TRIM41: variants seen among roughly 807,000 people sequenced by gnomAD.
TRIM41 encodes the protein tripartite motif containing 41.
Under a neutral mutation model 60.6 loss-of-function variants are expected in TRIM41, and 21 were observed. The observed-to-expected ratio is 0.35, with a 90% confidence interval of 0.25 to 0.50. The LOEUF (loss-of-function observed/expected upper bound fraction) is 0.50. Ranked by LOEUF, TRIM41 falls within the 20% of genes least tolerant of loss-of-function variation. The probability of loss-of-function intolerance (pLI) is 0.98; values close to 1 mark genes in which losing one functional copy is unlikely to be tolerated. For missense variants in TRIM41, 846 were observed against 868.3 expected (o/e 0.97, Z 0.32); for synonymous variants, 407 against 344.9 (o/e 1.18, Z -2.00).
chr5:181,229,910 G>A (rs887665702), intron 1 of TRIM41: 13 of 152,330 alleles, frequency 8.5e-5, no homozygotes, highest in African/African-American at 2.9e-4. Flanking sequence ...ATTTTATGTG[G>A]TCAAACGTGT....
chr5:181,232,922 TTC>T, intron 3 of TRIM41, 33 bp downstream of exon 3: 1 of 1,531,596 alleles, frequency 6.5e-7, no homozygotes, highest in Non-Finnish European at 8.8e-7. Context: ...TCCCCCAGCA[TTC>T]TGTGTTGGCT....
Position 181,235,378 on chromosome 5 carries a change from G to C in TRIM41, c.*603G>C, listed in dbSNP as rs150126743. ...GACCGGCCAGAATTTAGCTTCACTT[G>C]AGAGAGATCTGGAATGGTCGCCATG... On this transcript the variant is annotated 3_prime_UTR_variant, in exon 6 of 6. Transcript: ENST00000315073. 1 of 1,613,756 alleles carries C rather than the reference G, an allele frequency of 6.2e-7. No individual in the cohort carries two copies. Among genetic ancestry groups the C allele is most frequent in the Non-Finnish European group, 8.5e-7 (1 of 1,179,806 alleles).
rs752017053 is a variant in TRIM41 at position 181,234,198 on chromosome 5, C to T, written c.1316C>T (p.Thr439Met). Residue 439 changes from threonine (T) to methionine (M), a missense_variant, in exon 6 of 6, where the codon ACG (threonine) becomes ATG (methionine). Coordinates refer to ENST00000315073, the MANE Select transcript of TRIM41 (RefSeq NM_033549.5). This position sits in a 1 kb window ranked among gnomAD's most constrained non-coding sequence, Gnocchi z 5.6. ...GTGGACCTGACGCTGGACCCTGACA[C>T]GGCTCACCCGGCCCTGATGCTGTCC... ...ARVDLTLDPDTAHPALMLSPD... is the reference protein window; with the variant it reads ...ARVDLTLDPDMAHPALMLSPD... 27 of 1,612,350 alleles carry T rather than the reference C, an allele frequency of 1.7e-5. No homozygotes were observed. The highest frequency in any genetic ancestry group is 6.7e-5 in the East Asian group (3 of 44,886).
At position 181,232,804 on chromosome 5, in the gene TRIM41, G is replaced by A. The variant is rs575345542; in HGVS notation, c.1055G>A (p.Arg352His). ...GGGCGTGCGGGAGCCGCGGCTAGTC[G>A]CCTTGCAGAACAGGCCGCCCAGCTC... The part of the protein sequence containing the change: ...QLGRAGAAAS[R>H]LAEQAAQLSR... The change falls in exon 3 of 6, where the codon CGC becomes CAC. Residue 352 changes from arginine (R) to histidine (H), a missense_variant. Physicochemically the swap from Arg to His is conservative, Grantham distance 29. Transcript: ENST00000315073. The A allele has an allele frequency of 1.9e-5, 30 of 1,599,976 alleles. No homozygotes were observed. Among genetic ancestry groups the A allele is most frequent in the East Asian group, 1.8e-4 (8 of 44,338 alleles).
chr5:181,225,387 A>G (rs1412932082), intron 1 of TRIM41: 2 of 162,612 alleles, frequency 1.2e-5, no homozygotes, highest in African/African-American at 4.8e-5. Flanking sequence ...TGCAAGTTGC[A>G]TTGTCAAATC....
At position 181,224,533 on chromosome 5, in the gene TRIM41, G is replaced by T; in HGVS notation, c.534G>T (p.Arg178=). The T allele has an allele frequency of 1.9e-6, 3 of 1,612,740 alleles. No homozygotes were observed. Among genetic ancestry groups the T allele is most frequent in the Non-Finnish European group, 2.5e-6 (3 of 1,178,878 alleles). ...VTPLPPPPAP[R]RCFTCPQCRK... ...CACTGCCCCCGCCTCCAGCCCCTCGGAGGTGCTTCACATGCCCTCAGTGCC... is the reference window on the plus strand; with the variant it reads ...CACTGCCCCCGCCTCCAGCCCCTCGTAGGTGCTTCACATGCCCTCAGTGCC... Residue 178 remains arginine (R), a synonymous_variant, in exon 1 of 6, where the codon CGG becomes CGT. Transcript: ENST00000315073.
chr5:181,233,143 T>C lies in TRIM41; in HGVS notation c.1140+254T>C. 1 of 713,408 alleles carries C rather than the reference T, an allele frequency of 1.4e-6. No homozygotes were observed. Among genetic ancestry groups the C allele is most frequent in the Non-Finnish European group, 2.5e-6 (1 of 394,418 alleles). The allele number at this position is 713,408 out of a possible 1,614,324, so 44.2% of individuals were successfully genotyped here. ...TTAAATGACAGTTGAGGAAAGTCTTTTTGACAGTGACATCCTGAAAAAGGT... is the reference window on the plus strand; with the variant it reads ...TTAAATGACAGTTGAGGAAAGTCTTCTTGACAGTGACATCCTGAAAAAGGT... On this transcript the variant is annotated intron_variant, in intron 3 of 5. Transcript: ENST00000315073. The surrounding 1 kb of genome is among the most constrained non-coding windows in gnomAD (Gnocchi z 4.1).
In TRIM41 at chr5:181,234,813, T is replaced by TG. The variant is rs749803445; in HGVS notation, c.*44dup. On this transcript the variant is annotated 3_prime_UTR_variant, in exon 6 of 6. Coordinates refer to ENST00000315073, the MANE Select transcript of TRIM41 (RefSeq NM_033549.5). The surrounding 1 kb of genome is among the most constrained non-coding windows in gnomAD (Gnocchi z 5.6). The stretch of plus-strand genomic sequence containing the variant: ...CCGCAGGGGCCCCTCTGTCAGCACT[T>TG]GGGGGGTGGGTGGTGGAGGGTGGCC... 15 of 1,606,568 alleles carry TG rather than the reference T, an allele frequency of 9.3e-6. No individual in the cohort carries two copies. Among genetic ancestry groups the TG allele is most frequent in the South Asian group, 2.2e-5 (2 of 90,482 alleles).
chr5:181,234,546 A>G lies in TRIM41; in HGVS notation c.1664A>G (p.Asn555Ser). 6 of 1,614,170 alleles carry G rather than the reference A, an allele frequency of 3.7e-6. No individual in the cohort carries two copies. The South Asian group carries it at 5.5e-5, about 15-fold the overall frequency. The change falls in exon 6 of 6, where the codon AAC becomes AGC. Residue 555 changes from asparagine to serine, a missense_variant. By Grantham distance (46) the Asn-to-Ser change is conservative. Coordinates refer to ENST00000315073, the MANE Select transcript of TRIM41 (RefSeq NM_033549.5). This position sits in a 1 kb window ranked among gnomAD's most constrained non-coding sequence, Gnocchi z 5.6. ...CGGGAAGTGTGGTGCGTGGGCACCAACGGCAAACGCTATCAGGCCCAGAGC... is the reference window on the plus strand; with the variant it reads ...CGGGAAGTGTGGTGCGTGGGCACCAGCGGCAAACGCTATCAGGCCCAGAGC... Reference protein sequence around the residue: ...LQREVWCVGTNGKRYQAQSST... With the variant: ...LQREVWCVGTSGKRYQAQSST...
chr5:181,224,844 T>C, intron 1 of TRIM41, 32 bp downstream of exon 1: 2 of 1,613,438 alleles, frequency 1.2e-6, no homozygotes, highest in Non-Finnish European at 1.7e-6. Flanking sequence ...GATGGGAGTT[T>C]AGTGGGGGGA....
chr5:181,223,730 T>G lies in TRIM41; in HGVS notation c.-270T>G. ...GGTTTATGAGGAGTCCAAGGGAGCATTGGGGCAGACTTGTACTCAGAGCCA... is the reference window on the plus strand; with the variant it reads ...GGTTTATGAGGAGTCCAAGGGAGCAGTGGGGCAGACTTGTACTCAGAGCCA... On this transcript the variant is annotated 5_prime_UTR_variant, in exon 1 of 6. Transcript: ENST00000315073. The G allele has an allele frequency of 1.7e-6, 1 of 577,060 alleles. No individual in the cohort carries two copies. Among genetic ancestry groups the G allele is most frequent in the South Asian group, 2.2e-5 (1 of 45,770 alleles). 35.7% of individuals were successfully genotyped at this position (577,060 alleles called of 1,614,324 possible).
chr5:181,232,248 T>G, intron 2 of TRIM41: 1 of 185,160 alleles, frequency 5.4e-6, no homozygotes, highest in Non-Finnish European at 1.1e-5. Context: ...CATGGTACAG[T>G]GGGGGAAAGG....
At position 181,234,005 on chromosome 5, in the gene TRIM41, T is replaced by A; in HGVS notation, c.1292-169T>A. On this transcript the variant is annotated intron_variant, in intron 5 of 5. Coordinates refer to ENST00000315073, the MANE Select transcript of TRIM41 (RefSeq NM_033549.5). This position sits in a 1 kb window ranked among gnomAD's most constrained non-coding sequence, Gnocchi z 5.6. ...CTGGGGGAAGACCTGTCAGGTATCC[T>A]AGGAACAAGAGTGAGGAGCAAGATG... 1 of 1,288,094 alleles carries A rather than the reference T, an allele frequency of 7.8e-7. No individual in the cohort carries two copies. Among genetic ancestry groups the A allele is most frequent in the Non-Finnish European group, 1.1e-6 (1 of 925,788 alleles). The allele number at this position is 1,288,094 out of a possible 1,614,324, so 79.8% of individuals were successfully genotyped here. A position where few individuals can be genotyped will look rare whatever the true frequency, so the allele number is the denominator to read the frequency against.
chr5:181,235,344 A>G lies in TRIM41; in HGVS notation c.*569A>G, dbSNP rs762062467. 3 of 1,613,988 alleles carry G rather than the reference A, an allele frequency of 1.9e-6. No homozygotes were observed. The highest frequency in any genetic ancestry group is 2.5e-6 in the Non-Finnish European group (3 of 1,180,010). On this transcript the variant is annotated 3_prime_UTR_variant, in exon 6 of 6. Transcript: ENST00000315073. ...AACTTTCCTTCCGTCCTCAATTTCT[A>G]CCTCCATAGACCGGCCAGAATTTAG...
At position 181,235,091 on chromosome 5, in the gene TRIM41, G is replaced by A; in HGVS notation, c.*316G>A. ...GGACTGGAATTTGAGTAGGGGATGA[G>A]GGGAAATTGTAATTTCATTCCTTAA... On this transcript the variant is annotated 3_prime_UTR_variant, in exon 6 of 6. Transcript: ENST00000315073. 1.9e-6 allele frequency: 3 copies of A among 1,606,198 alleles called. No individual in the cohort carries two copies. The South Asian group carries it at 3.3e-5, about 18-fold the overall frequency.
Position 181,232,901 on chromosome 5 carries a change from C to A in TRIM41, c.1140+12C>A. ...TCCGGCTGCTCCAGGTGAGCAATGT[C>A]CCCTCCCTGTTCCCCCAGCATTCTG... On this transcript the variant is annotated intron_variant, in intron 3 of 5. Coordinates refer to ENST00000315073, the MANE Select transcript of TRIM41 (RefSeq NM_033549.5). 1.3e-6 allele frequency: 2 copies of A among 1,536,778 alleles called. No homozygotes were observed. Among genetic ancestry groups the A allele is most frequent in the Non-Finnish European group, 1.7e-6 (2 of 1,145,608 alleles).
chr5:181,234,860 G>GCT lies in TRIM41; in HGVS notation c.*88_*89dup. ...GGCCCGTAAGTTTGAGGGCTCAAAGGCTCTTCCCACTGCTTGTTACTGTGT... is the reference window on the plus strand; with the variant it reads ...GGCCCGTAAGTTTGAGGGCTCAAAGGCTCTCTTCCCACTGCTTGTTACTGTGT... On this transcript the variant is annotated 3_prime_UTR_variant, in exon 6 of 6. Transcript: ENST00000315073. The surrounding 1 kb of genome is among the most constrained non-coding windows in gnomAD (Gnocchi z 5.6). The GCT allele has an allele frequency of 6.2e-7, 1 of 1,610,518 alleles. No homozygotes were observed. Among genetic ancestry groups the GCT allele is most frequent in the South Asian group, 1.1e-5 (1 of 90,946 alleles).
chr5:181,235,323 T>C lies in TRIM41; in HGVS notation c.*548T>C, dbSNP rs1456517983. 2.5e-6 allele frequency: 4 copies of C among 1,614,168 alleles called. No homozygotes were observed. The highest frequency in any genetic ancestry group is 1.7e-5 in the Admixed American group (1 of 60,026). On this transcript the variant is annotated 3_prime_UTR_variant, in exon 6 of 6. Transcript: ENST00000315073. ...TCCTGGGGAGGAGGGATTCTAAACTTTCCTTCCGTCCTCAATTTCTACCTC... is the reference window on the plus strand; with the variant it reads ...TCCTGGGGAGGAGGGATTCTAAACTCTCCTTCCGTCCTCAATTTCTACCTC...
chr5:181,233,890 C>CT lies in TRIM41; in HGVS notation c.1291+128dup. 5 of 1,468,498 alleles carry CT rather than the reference C, an allele frequency of 3.4e-6. No individual in the cohort carries two copies. Among genetic ancestry groups the CT allele is most frequent in the South Asian group, 2.5e-5 (2 of 79,604 alleles). The allele number at this position is 1,468,498 out of a possible 1,614,324, so 91.0% of individuals were successfully genotyped here. A position where few individuals can be genotyped will look rare whatever the true frequency, so the allele number is the denominator to read the frequency against. ...ATGGAGCAGGATCCAGGCAGCCACT[C>CT]TGAGGTTGAGGTTTCAAGCCATGAG... On this transcript the variant is annotated intron_variant, in intron 5 of 5. Coordinates refer to ENST00000315073, the MANE Select transcript of TRIM41 (RefSeq NM_033549.5). The surrounding 1 kb of genome is among the most constrained non-coding windows in gnomAD (Gnocchi z 4.1).
Sources: gnomAD v4.1 joint callset for allele counts on GRCh38, gnomAD v4.1.1 for gene constraint, Gnocchi (gnomAD v3.1) non-coding constraint, MANE v1.5 for transcripts, NCBI Gene and HGNC (gene_info 2026-07-23, HGNC 2026-07-21) for gene names.